The following GPR83 variants were observed in gnomAD, a reference collection of about 807,000 sequenced individuals.
GPR83 encodes G protein-coupled receptor 83, also known as G-protein coupled receptor 72.
In GPR83, 23 loss-of-function variants were observed where a neutral mutation model predicts 28.0. That is an observed-to-expected ratio of 0.82 (90% confidence interval 0.59 to 1.16). GPR83 has a LOEUF of 1.16. Among genes scored for constraint, GPR83 ranks in the 50% most tolerant of loss-of-function variants. GPR83 has a pLI of 0.00. For synonymous variants in GPR83, 234 were observed against 215.4 expected (o/e 1.09, Z -0.76); for missense variants, 610 against 536.6 (o/e 1.14, Z -1.35).
chr11:94,383,126 G>C (rs1944711132), intron 3 of GPR83, among the ~76,000 whole-genome samples: 1 of 151,604 alleles, frequency 6.6e-6, no homozygotes, highest in African/African-American at 2.4e-5. Context: ...ACTCCAGCCT[G>C]GGCGACAGAG....
At chr11:94,380,883 C>G in intron 3 of GPR83, 110 bp from the exon 4 acceptor site, 1 of 888,532 alleles carries the variant, frequency 1.1e-6, no homozygotes, top group Non-Finnish European at 1.7e-6. Context: ...GCTCCTGGTA[C>G]ATCCATCTAA....
chr11:94,388,692 G>C (rs1345695077), intron 3 of GPR83, among the ~76,000 whole-genome samples: 2 of 152,156 alleles, frequency 1.3e-5, no homozygotes, highest in African/African-American at 4.8e-5. Flanking sequence ...ACAAATGGAA[G>C]AATATTCCAT....
chr11:94,393,113 C>T (rs1284865092), intron 3 of GPR83, among the ~76,000 whole-genome samples: 2 of 152,152 alleles, frequency 1.3e-5, no homozygotes, highest in Non-Finnish European at 2.9e-5. Context: ...GGCATGCATG[C>T]GGATTTTGTT....
intron 3 of GPR83, among the ~76,000 whole-genome samples, chr11:94,385,888 C>T (rs1389138910): frequency 6.6e-6 from 1 of 152,126 alleles, no homozygotes; most frequent in Non-Finnish European, 1.5e-5. Context: ...CTCCAAGACA[C>T]ATAATTGTCA....
intron 3 of GPR83, 95 bp from the exon 4 acceptor site, chr11:94,380,868 A>T: frequency 9.3e-7 from 1 of 1,076,630 alleles, no homozygotes; most frequent in African/African-American, 1.6e-5. Flanking sequence ...CTCTCCTTCC[A>T]CTGGGCTCCT....
rs1944671415 is a variant in GPR83, at chr11:94,380,241, C to T, written c.1180G>A (p.Ala394Thr). ...GGCAGGAGGTTATTGGCAAGGGGAG[C>T]CCTCTGGCCATCATTCTTCTCTGTC... ...AWTEKNDGQR[A>T]PLANNLLPTS... is the part of the protein sequence containing the mutation. The change falls in exon 4 of 4, where the codon GCT becomes ACT. Residue 394 changes from alanine to threonine, a missense_variant. By Grantham distance (58) the Ala-to-Thr change is moderately conservative. Transcript: ENST00000243673. 1.3e-6 allele frequency: 2 copies of T among 1,528,422 alleles called. No homozygotes were observed. The highest frequency in any genetic ancestry group is 1.8e-6 in the Non-Finnish European group (2 of 1,139,844). The allele number at this position is 1,528,422 out of a possible 1,614,324, so 94.7% of individuals were successfully genotyped here.
rs1385798611 is a variant in GPR83 at position 94,381,582 on chromosome 11, C to CGTGT, written c.648-810_648-809insACAC. Among the ~76,000 whole-genome samples, 5 of 26,384 alleles carry CGTGT rather than the reference C, an allele frequency of 1.9e-4. No homozygotes were observed. In the South Asian group the frequency reaches 5.0e-3, roughly 26 times the overall value. 17.3% of individuals were successfully genotyped at this position (26,384 alleles called of 152,430 possible). On this transcript the variant is annotated intron_variant, in intron 3 of 3. Coordinates refer to ENST00000243673, the MANE Select transcript of GPR83 (RefSeq NM_016540.4). ...GAGTGTGTGTGTGTGTGTGTGTGCG[C>CGTGT]GCGTGCTGCAGGTGGGGTGGCACAT...
At position 94,379,394 on chromosome 11, in the gene GPR83, A is replaced by G. The variant is rs574093959; in HGVS notation, c.*755T>C. ...TCAAAAAAAAAAAAAAAAAGAAAAA[A>G]AAAAGGTCATGCACACATGCACACA... On this transcript the variant is annotated 3_prime_UTR_variant, in exon 4 of 4. Coordinates refer to ENST00000243673, the MANE Select transcript of GPR83 (RefSeq NM_016540.4). 6.6e-6 allele frequency: 1 copy of G among 151,820 alleles called. No homozygotes were observed. Among genetic ancestry groups the G allele is most frequent in the Non-Finnish European group, 1.5e-5 (1 of 67,966 alleles). The allele number at this position is 151,820 out of a possible 1,614,324, so 9.4% of individuals were successfully genotyped here.
At chr11:94,390,676 A>G (rs1211896443) in intron 3 of GPR83, among the ~76,000 whole-genome samples, 1 of 152,200 alleles carries the variant, frequency 6.6e-6, no homozygotes, top group Non-Finnish European at 1.5e-5. Context: ...CTATACACCA[A>G]TAACAGACAA....
chr11:94,395,695 G>A (rs563467684), intron 2 of GPR83, among the ~76,000 whole-genome samples: 1 of 152,296 alleles, frequency 6.6e-6, no homozygotes, highest in East Asian at 1.9e-4. Flanking sequence ...AGCTTCCCAT[G>A]GGGGCAGAAC....
At position 94,380,316 on chromosome 11, in the gene GPR83, G is replaced by C; in HGVS notation, c.1105C>G (p.Pro369Ala). Reference sequence around the variant, plus strand: ...GGGGAGGGTGGCCTGTCCTCCTGAGGCTTGGGAGGTCTTTGACACATGCTC... The same window carrying C: ...GGGGAGGGTGGCCTGTCCTCCTGAGCCTTGGGAGGTCTTTGACACATGCTC... ...LLSMCQRPPK[P>A]QEDRPPSPVP... is the part of the protein sequence containing the mutation. The change falls in exon 4 of 4, where the codon CCT (proline) becomes GCT (alanine). Residue 369 changes from proline to alanine, a missense_variant. Pro to Ala is a conservative substitution (Grantham distance 27, BLOSUM62 -1). Transcript: ENST00000243673. 1.2e-6 allele frequency: 2 copies of C among 1,610,306 alleles called. No individual in the cohort carries two copies. The highest frequency in any genetic ancestry group is 1.7e-6 in the Non-Finnish European group (2 of 1,177,492).
chr11:94,385,695 A>G (rs111309328), intron 3 of GPR83, among the ~76,000 whole-genome samples: 2 of 152,252 alleles, frequency 1.3e-5, no homozygotes, highest in Non-Finnish European at 2.9e-5. Flanking sequence ...ATATGGGACT[A>G]TGCGAAAAGA....
rs1944667588 is a variant in GPR83, at chr11:94,379,936, T to C, written c.*213A>G. 5 of 401,336 alleles carry C rather than the reference T, an allele frequency of 1.2e-5. No individual in the cohort carries two copies. Among genetic ancestry groups the C allele is most frequent in the Non-Finnish European group, 2.2e-5 (5 of 226,086 alleles). 24.9% of individuals were successfully genotyped at this position (401,336 alleles called of 1,614,324 possible). On this transcript the variant is annotated 3_prime_UTR_variant, in exon 4 of 4. Coordinates refer to ENST00000243673, the MANE Select transcript of GPR83 (RefSeq NM_016540.4). ...GCTGTGCCTCCCAGTGTTTCTTAGA[T>C]GGGAATTTATGAACACATGTCTAGT...
intron 1 of GPR83, among the ~76,000 whole-genome samples, chr11:94,400,363 G>T (rs764228389): frequency 3.3e-5 from 5 of 152,048 alleles, no homozygotes; most frequent in Non-Finnish European, 7.4e-5. Flanking sequence ...CTGATAAGGC[G>T]ATGAGACAGA....
chr11:94,390,980 A>C (rs755528700), intron 3 of GPR83, among the ~76,000 whole-genome samples: 5 of 152,288 alleles, frequency 3.3e-5, no homozygotes, highest in Admixed American at 3.3e-4. Context: ...CTACTTTAAA[A>C]TTCGTATGGA....
At chr11:94,397,816 G>C (rs1262153408) in intron 1 of GPR83, among the ~76,000 whole-genome samples, 1 of 152,206 alleles carries the variant, frequency 6.6e-6, no homozygotes, top group African/African-American at 2.4e-5. Flanking sequence ...CCCAGGACCT[G>C]TTTGGGGAAT....
chr11:94,396,613 G>C (rs1221965133), intron 1 of GPR83, 89 bp from the exon 2 acceptor site: 1 of 1,334,658 alleles, frequency 7.5e-7, no homozygotes, highest in African/African-American at 1.4e-5. Context: ...TGCCCTTAGG[G>C]GGATTCCTCC....
intron 1 of GPR83, among the ~76,000 whole-genome samples, chr11:94,400,623 TGAAA>T (rs902353529): frequency 6.9e-6 from 1 of 145,014 alleles, no homozygotes; most frequent in African/African-American, 2.6e-5. Context: ...AGACAGAGAC[TGAAA>T]GAAAGACTAA....
At chr11:94,380,887 C>T in intron 3 of GPR83, 114 bp from the exon 4 acceptor site, 1 of 840,528 alleles carries the variant, frequency 1.2e-6, no homozygotes, top group Non-Finnish European at 1.8e-6. Context: ...CTGGTACATC[C>T]ATCTAATATG....
Sources: gnomAD v4.1 joint callset for allele counts (sites outside exome capture counted in the v4.1 genomes callset) on GRCh38, gnomAD v4.1.1 for gene constraint, MANE v1.5 for transcripts, NCBI Gene and HGNC (gene_info 2026-07-23, HGNC 2026-07-21) for gene names.